The following KLHL5 variants were observed in gnomAD, a reference collection of about 807,000 sequenced individuals.
KLHL5 encodes the protein kelch like family member 5.
Under a neutral mutation model 77.7 loss-of-function variants are expected in KLHL5, and 48 were observed. That is an observed-to-expected ratio of 0.62 (90% CI 0.49 to 0.79). KLHL5 has a LOEUF of 0.79. Among genes scored for constraint, KLHL5 ranks in the 30% least tolerant of loss-of-function variants. The pLI is 0.00. For missense variants in KLHL5, 723 were observed against 859.7 expected, an observed-to-expected ratio of 0.84 and a Z score of 1.99; for synonymous variants, 260 against 297.0, an observed-to-expected ratio of 0.88 and a Z score of 1.28.
the KLHL5 span, among the ~76,000 whole-genome samples, chr4:39,136,238 C>T: frequency 6.6e-6 from 1 of 152,030 alleles, no homozygotes; most frequent in Non-Finnish European, 1.5e-5. Context: ...CTGCTCACTG[C>T]AACCTCCACC....
chr4:39,111,029 T>C (rs1023891222), intron 8 of KLHL5, among the ~76,000 whole-genome samples: 9 of 152,198 alleles, frequency 5.9e-5, no homozygotes, highest in Non-Finnish European at 1.2e-4. Context: ...AATTTCTTCA[T>C]AGAGTCCTAT....
At chr4:39,115,448 TC>T in intron 10 of KLHL5, 118 bp downstream of exon 10, 1 of 1,541,284 alleles carries the variant, frequency 6.5e-7, no homozygotes. Flanking sequence ...AATATGACAA[TC>T]ACGTTTTGAT....
intron 2 of KLHL5, among the ~76,000 whole-genome samples, chr4:39,079,793 G>A (rs140599672): frequency 1.1e-4 from 16 of 152,188 alleles, no homozygotes; most frequent in Non-Finnish European, 1.5e-4. Flanking sequence ...ACAGTACCCA[G>A]TATTTACTGG....
chr4:39,133,282 A>G, the KLHL5 span, among the ~76,000 whole-genome samples: 5 of 152,256 alleles, frequency 3.3e-5, 1 homozygote. Context: ...AACTAATTAC[A>G]TTGTGCTTTA....
At chr4:39,109,401 C>T (rs746820183) in intron 8 of KLHL5, among the ~76,000 whole-genome samples, 2 of 152,012 alleles carry the variant, frequency 1.3e-5, no homozygotes, top group Non-Finnish European at 2.9e-5. Flanking sequence ...CAGGTTCAAG[C>T]GGTTCTCCTG....
At chr4:39,101,951 T>A (rs12643441) in intron 6 of KLHL5, among the ~76,000 whole-genome samples, 1 of 145,794 alleles carries the variant, frequency 6.9e-6, no homozygotes, top group Non-Finnish European at 1.5e-5. Flanking sequence ...TACACACATA[T>A]ATATACACAC....
chr4:39,053,803 C>T (rs1309526904), intron 1 of KLHL5, among the ~76,000 whole-genome samples: 1 of 152,068 alleles, frequency 6.6e-6, no homozygotes, highest in African/African-American at 2.4e-5. Context: ...TAAAATGTCC[C>T]TTGCTTTACT....
chr4:39,045,228 CG>C, intron 1 of KLHL5: 1 of 943,590 alleles, frequency 1.1e-6, no homozygotes, highest in Non-Finnish European at 1.3e-6. Context: ...CTGCCCCTCC[CG>C]GAGGCGGCTG....
downstream of KLHL5, among the ~76,000 whole-genome samples, chr4:39,131,584 G>A (rs911978225): frequency 6.6e-6 from 1 of 152,090 alleles, no homozygotes; most frequent in African/African-American, 2.4e-5. Context: ...TCAGGATTAA[G>A]AGGACAAAAA....
intron 2 of KLHL5, among the ~76,000 whole-genome samples, chr4:39,080,027 T>A (rs1188692102): frequency 3.3e-5 from 5 of 152,084 alleles, no homozygotes; most frequent in Non-Finnish European, 7.4e-5. Context: ...GCTGGTGGGG[T>A]CTAAATTGGT....
intron 1 of KLHL5, among the ~76,000 whole-genome samples, chr4:39,054,253 C>T (rs890774451): frequency 1.3e-5 from 2 of 152,166 alleles, no homozygotes; most frequent in Non-Finnish European, 2.9e-5. Flanking sequence ...ATACTTCTTG[C>T]TTTGAAAGCA....
At chr4:39,120,915 A>G (rs1247551941) in intron 10 of KLHL5, 95 bp from the exon 11 acceptor site, 3 of 985,378 alleles carry the variant, frequency 3.0e-6, no homozygotes, top group Admixed American at 3.8e-5. Context: ...ACCCTTTGCC[A>G]ACAAGTACAG....
At chr4:39,075,201 C>A (rs1718897010) in intron 1 of KLHL5, among the ~76,000 whole-genome samples, 1 of 151,894 alleles carries the variant, frequency 6.6e-6, no homozygotes, top group African/African-American at 2.4e-5. Flanking sequence ...CGTGGTGGTG[C>A]AAGCCTGTAA....
intron 1 of KLHL5, among the ~76,000 whole-genome samples, chr4:39,047,231 AAC>A (rs1484418577): frequency 6.6e-6 from 1 of 152,188 alleles, no homozygotes; most frequent in African/African-American, 2.4e-5. Context: ...CACCCTGGCC[AAC>A]ACAGTTAAAC....
intron 4 of KLHL5, among the ~76,000 whole-genome samples, 197 bp from the exon 5 acceptor site, chr4:39,086,318 A>G (rs1046515132): frequency 2.0e-5 from 3 of 152,210 alleles, no homozygotes; most frequent in Non-Finnish European, 4.4e-5. Context: ...TTCTACTTGC[A>G]TATGTTTAAC....
Position 39,062,740 on chromosome 4 carries a change from T to G in KLHL5, c.88T>G (p.Ser30Ala), listed in dbSNP as rs1268324097. Residue 30 changes from serine (S) to alanine (A), a missense_variant, in exon 1 of 11, where the codon TCT becomes GCT. Coordinates refer to ENST00000504108, the MANE Select transcript of KLHL5 (RefSeq NM_015990.5). The stretch of plus-strand genomic sequence containing the variant: ...TGGTCATCAAGCATCATCTCCTAAT[T>G]CTACAGTTGACAGCCAGCAGGGAGA... Reference protein sequence around the residue: ...WFGHQASSPNSTVDSQQGEFW... With the variant: ...WFGHQASSPNATVDSQQGEFW... The G allele has an allele frequency of 6.2e-7, 1 of 1,614,040 alleles. No individual in the cohort carries two copies. Among genetic ancestry groups the G allele is most frequent in the African/African-American group, 1.3e-5 (1 of 74,928 alleles).
At chr4:39,130,572 C>T (rs1008785129), downstream of KLHL5, among the ~76,000 whole-genome samples, 1 of 152,064 alleles carries the variant, frequency 6.6e-6, no homozygotes, top group Non-Finnish European at 1.5e-5. Flanking sequence ...TTTTAAAATA[C>T]ATAGATGCCT....
intron 6 of KLHL5, among the ~76,000 whole-genome samples, 163 bp from the exon 7 acceptor site, chr4:39,103,124 A>G (rs1397946452): frequency 6.6e-6 from 1 of 152,184 alleles, no homozygotes; most frequent in Non-Finnish European, 1.5e-5. Context: ...GGAGATGAGG[A>G]CACAGAGGTA....
At chr4:39,046,441 G>A (rs1716194359) in intron 1 of KLHL5, among the ~76,000 whole-genome samples, 1 of 152,116 alleles carries the variant, frequency 6.6e-6, no homozygotes, top group African/African-American at 2.4e-5. Context: ...AGAGAAAAAG[G>A]AACAACATAA....
Sources: allele counts gnomAD v4.1 joint callset (sites outside exome capture counted in the v4.1 genomes callset), GRCh38; gene constraint gnomAD v4.1.1; transcripts MANE v1.5; gene names NCBI Gene and HGNC (gene_info 2026-07-23, HGNC 2026-07-21).